The following GRM7 variants were observed in gnomAD, a reference collection of about 807,000 sequenced individuals.
GRM7 encodes the protein metabotropic glutamate receptor 7.
A neutral mutation model predicts 84.5 loss-of-function variants in GRM7; 35 were observed. The observed-to-expected ratio is 0.41, with a 90% CI of 0.32 to 0.55. The LOEUF is 0.55. Among genes scored for constraint, GRM7 ranks in the 20% least tolerant of loss-of-function variants. The pLI is 0.19. For synonymous variants in GRM7, 487 were observed against 455.1 expected, an observed-to-expected ratio of 1.07 and a Z score of -0.89; for missense variants, 1,003 against 1,194.6, an observed-to-expected ratio of 0.84 and a Z score of 2.36.
chr3:7,740,440 G>A lies in GRM7; in HGVS notation c.*34G>A, dbSNP rs778168855. ...ATTCCATGGAACCATGGAGGAGGAAGACCCTCAGTTATTTTGTCACCCAAC... is the reference window on the plus strand; with the variant it reads ...ATTCCATGGAACCATGGAGGAGGAAAACCCTCAGTTATTTTGTCACCCAAC... On this transcript the variant is annotated 3_prime_UTR_variant, in exon 10 of 10. Coordinates refer to ENST00000357716, the MANE Select transcript of GRM7 (RefSeq NM_000844.4). 2.4e-6 allele frequency: 3 copies of A among 1,261,180 alleles called. No individual in the cohort carries two copies. The highest frequency in any genetic ancestry group is 5.0e-5 in the East Asian group (2 of 39,888). 78.1% of individuals were successfully genotyped at this position (1,261,180 alleles called of 1,614,324 possible). A position where few individuals can be genotyped will look rare whatever the true frequency, so the allele number is the denominator to read the frequency against.
At chr3:7,583,140 T>C (rs1695341858) in intron 8 of GRM7, among the ~76,000 whole-genome samples, 1 of 152,196 alleles carries the variant, frequency 6.6e-6, no homozygotes, top group Non-Finnish European at 1.5e-5. Flanking sequence ...AATGTCTAAA[T>C]GAAGCATCAG....
At chr3:6,966,371 T>C (rs538418183) in intron 1 of GRM7, among the ~76,000 whole-genome samples, 158 of 152,304 alleles carry the variant, frequency 1.0e-3, no homozygotes, top group African/African-American at 3.6e-3. Flanking sequence ...GGATGCAAGG[T>C]TGGACTAGTA....
intron 7 of GRM7, among the ~76,000 whole-genome samples, chr3:7,569,507 T>C (rs1694531522): frequency 6.6e-6 from 1 of 152,128 alleles, no homozygotes; most frequent in African/African-American, 2.4e-5. Flanking sequence ...GTCAGCAGAA[T>C]GTGGGTGGGG....
chr3:7,227,396 C>T (rs1254923835), intron 2 of GRM7, among the ~76,000 whole-genome samples: 1 of 152,146 alleles, frequency 6.6e-6, no homozygotes, highest in Non-Finnish European at 1.5e-5. Flanking sequence ...TACCCTACCC[C>T]ACTGTGTTTA....
chr3:7,032,583 C>T (rs1193090688), intron 1 of GRM7, among the ~76,000 whole-genome samples: 1 of 152,072 alleles, frequency 6.6e-6, no homozygotes, highest in Non-Finnish European at 1.5e-5. Context: ...AGTCAAATTT[C>T]CCAGGGCGTT....
intron 7 of GRM7, among the ~76,000 whole-genome samples, chr3:7,544,512 G>A (rs1003745502): frequency 6.6e-6 from 1 of 152,118 alleles, no homozygotes; most frequent in African/African-American, 2.4e-5. Flanking sequence ...TACTGGATGG[G>A]AGATCCTGGG....
chr3:7,375,159 T>C (rs938026352), intron 4 of GRM7, among the ~76,000 whole-genome samples: 1 of 151,992 alleles, frequency 6.6e-6, no homozygotes, highest in Admixed American at 6.6e-5. Flanking sequence ...AAGTCCATAC[T>C]GCTCAGAATG....
chr3:7,100,069 C>G (rs1339212042), intron 1 of GRM7, among the ~76,000 whole-genome samples: 1 of 150,472 alleles, frequency 6.6e-6, no homozygotes, highest in Non-Finnish European at 1.5e-5. Context: ...ATGTAATTTA[C>G]TTTCCCCACA....
intron 1 of GRM7, among the ~76,000 whole-genome samples, chr3:7,048,773 T>C (rs1201176236): frequency 6.6e-6 from 1 of 152,006 alleles, no homozygotes; most frequent in Non-Finnish European, 1.5e-5. Context: ...TTCAAGATTA[T>C]AATACCTTAC....
intron 7 of GRM7, among the ~76,000 whole-genome samples, chr3:7,474,098 G>A (rs930359054): frequency 6.6e-6 from 1 of 152,036 alleles, no homozygotes; most frequent in African/African-American, 2.4e-5. Flanking sequence ...CATCACTTAT[G>A]GCCATGATAA....
At chr3:7,680,005 A>C (rs376879987) in intron 8 of GRM7, 44 bp from the exon 9 acceptor site, 4 of 1,598,212 alleles carry the variant, frequency 2.5e-6, no homozygotes, top group Non-Finnish European at 3.4e-6. Context: ...CCCCTACTGC[A>C]GTCATTTTAT....
chr3:7,587,049 T>C (rs1384419259), intron 8 of GRM7, among the ~76,000 whole-genome samples: 2 of 152,172 alleles, frequency 1.3e-5, no homozygotes, highest in Non-Finnish European at 2.9e-5. Flanking sequence ...GTGTTCACTC[T>C]CCTGATTGTG....
intron 1 of GRM7, among the ~76,000 whole-genome samples, chr3:7,012,091 C>A (rs1575127876): frequency 6.6e-6 from 1 of 152,100 alleles, no homozygotes; most frequent in Non-Finnish European, 1.5e-5. Context: ...ACTAGAGTAC[C>A]CTGACTCTTG....
intron 2 of GRM7, among the ~76,000 whole-genome samples, chr3:7,239,056 A>G (rs1317845412): frequency 1.4e-5 from 2 of 145,128 alleles, no homozygotes; most frequent in Non-Finnish European, 3.0e-5. Flanking sequence ...CACTGGTGCA[A>G]TCATGACTCA....
Position 7,428,255 on chromosome 3 carries a change from G to A in GRM7, c.1174+13092G>A, listed in dbSNP as rs548091234. 4.8e-4 allele frequency among the ~76,000 whole-genome samples: 73 copies of A among 152,142 alleles called. 1 individual carries two copies. The highest frequency in any genetic ancestry group is 6.5e-4 in the Non-Finnish European group (44 of 68,024). On this transcript the variant is annotated intron_variant, in intron 5 of 9. Transcript: ENST00000357716. ...ATTTTGTTATCCAAGTGTAGGGAAA[G>A]AATGTGGGCAAAGAAAAGACTGTCC...
At chr3:7,597,851 G>A (rs1172385730) in intron 8 of GRM7, among the ~76,000 whole-genome samples, 2 of 152,254 alleles carry the variant, frequency 1.3e-5, no homozygotes, top group Middle Eastern at 3.4e-3. Context: ...GCATAGTCCC[G>A]GGTTGACCAA....
intron 7 of GRM7, among the ~76,000 whole-genome samples, chr3:7,527,435 T>C (rs1700849210): frequency 6.6e-6 from 1 of 152,056 alleles, no homozygotes; most frequent in Non-Finnish European, 1.5e-5. Context: ...ATGGAGTCTT[T>C]ACAGTTTCCA....
At chr3:7,604,050 G>A (rs541195583) in intron 8 of GRM7, among the ~76,000 whole-genome samples, 2 of 151,418 alleles carry the variant, frequency 1.3e-5, no homozygotes, top group East Asian at 1.9e-4. Flanking sequence ...TTTCATTACT[G>A]TAAATTAGTC....
At position 7,453,286 on chromosome 3, in the gene GRM7, A is replaced by G. The variant is rs112970649; in HGVS notation, c.1375+479A>G. 3.5e-3 allele frequency among the ~76,000 whole-genome samples: 532 copies of G among 152,204 alleles called. 6 individuals carry two copies. Among genetic ancestry groups the G allele is most frequent in the South Asian group, 0.022 (108 of 4,828 alleles). On this transcript the variant is annotated intron_variant, in intron 6 of 9. Transcript: ENST00000357716. ...AGTGGACACAAGCTGACTGTCCTCT[A>G]CTTCAATTCCTACATGATCTATCTG...
Sources: gnomAD v4.1 joint callset for allele counts (sites outside exome capture counted in the v4.1 genomes callset) on GRCh38, gnomAD v4.1.1 for gene constraint, MANE v1.5 for transcripts, NCBI Gene and HGNC (gene_info 2026-07-23, HGNC 2026-07-21) for gene names.